ZNF197: variants seen among roughly 807,000 people sequenced by gnomAD.
ZNF197 encodes zinc finger protein 197.
A neutral mutation model predicts 27.4 loss-of-function variants in ZNF197; 14 were observed. The ratio of observed to expected loss-of-function variants is 0.51; its 90% CI spans 0.34 to 0.80. ZNF197 has a LOEUF of 0.80. Ranked by LOEUF, ZNF197 falls within the 30% of genes least tolerant of loss-of-function variation. The probability of loss-of-function intolerance (pLI) is 0.02; values close to 1 mark genes in which losing one functional copy is unlikely to be tolerated. For synonymous variants in ZNF197, 415 were observed against 420.0 expected (o/e 0.99, Z 0.15); for missense variants, 1,090 against 1,222.6 (o/e 0.89, Z 1.62).
In ZNF197 at chr3:44,632,607, T is replaced by C. The variant is rs1174177221; in HGVS notation, c.769+8T>C. On this transcript the variant is annotated splice_region_variant and intron_variant, in intron 5 of 5. Coordinates refer to ENST00000344387, the MANE Select transcript of ZNF197 (RefSeq NM_006991.5). ...GAAATGTGACCTCCCTAGGTAAGGA[T>C]TCTTCTTTCTATGATGCTTACCTTT... is the stretch of plus-strand genomic sequence containing the variant. 3.3e-6 allele frequency: 5 copies of C among 1,527,860 alleles called. No individual in the cohort carries two copies. The highest frequency in any genetic ancestry group is 4.4e-6 in the Non-Finnish European group (5 of 1,136,184). 94.6% of individuals were successfully genotyped at this position (1,527,860 alleles called of 1,614,324 possible).
Position 44,647,200 on chromosome 3 carries a change from T to C in ZNF197, c.*2980T>C. On this transcript the variant is annotated 3_prime_UTR_variant, in exon 6 of 6. Coordinates refer to ENST00000344387, the MANE Select transcript of ZNF197 (RefSeq NM_006991.5). ...ATTTCACTGAAGTATAGATAGCAAA[T>C]AAGCAAATGAAAAGATGTTCAACAT... 1 of 150,758 alleles carries C rather than the reference T, an allele frequency of 6.6e-6. No homozygotes were observed. Among genetic ancestry groups the C allele is most frequent in the South Asian group, 2.1e-4 (1 of 4,782 alleles). The allele number at this position is 150,758 out of a possible 1,614,324, so 9.3% of individuals were successfully genotyped here.
chr3:44,641,861 G>C (rs1217983708), intron 5 of ZNF197, 39 bp from the exon 6 acceptor site: 5 of 1,514,508 alleles, frequency 3.3e-6, no homozygotes, highest in Non-Finnish European at 4.4e-6. Flanking sequence ...CCAAACACAG[G>C]GACGTGGTAA....
At chr3:44,632,842 GCA>G (rs1409079217) in intron 5 of ZNF197, among the ~76,000 whole-genome samples, 2 of 151,996 alleles carry the variant, frequency 1.3e-5, no homozygotes, top group Admixed American at 6.6e-5. Flanking sequence ...GTGTGTCTGT[GCA>G]CAGTTTTATA....
Position 44,644,093 on chromosome 3 carries a change from G to A in ZNF197, c.2963G>A (p.Cys988Tyr), listed in dbSNP as rs185975330. ...CACACAGATGAAAAACCTTGTGAAT[G>A]TGATGTGTCTGAAAAAGAATTCTCT... ...KIHTDEKPCE[C>Y]DVSEKEFSQT... Residue 988 changes from cysteine (C) to tyrosine (Y), a missense_variant, in exon 6 of 6, where the codon TGT becomes TAT. Coordinates refer to ENST00000344387, the MANE Select transcript of ZNF197 (RefSeq NM_006991.5). 1.9e-5 allele frequency: 31 copies of A among 1,614,122 alleles called. No individual in the cohort carries two copies. The highest frequency in any genetic ancestry group is 3.3e-5 in the Admixed American group (2 of 60,012).
rs1406526000 is a variant in ZNF197 at position 44,648,377 on chromosome 3, T to G, written c.*4157T>G. 6.6e-6 allele frequency: 1 copy of G among 152,254 alleles called. No homozygotes were observed. The highest frequency in any genetic ancestry group is 1.5e-5 in the Non-Finnish European group (1 of 68,044). The allele number at this position is 152,254 out of a possible 1,614,324, so 9.4% of individuals were successfully genotyped here. On this transcript the variant is annotated 3_prime_UTR_variant, in exon 6 of 6. Coordinates refer to ENST00000344387, the MANE Select transcript of ZNF197 (RefSeq NM_006991.5). ...GCAAACATAGCAAAATGTTCATTGTTGAGTCCACATGGAAAATACGGGTAT... is the reference window on the plus strand; with the variant it reads ...GCAAACATAGCAAAATGTTCATTGTGGAGTCCACATGGAAAATACGGGTAT...
At position 44,646,534 on chromosome 3, in the gene ZNF197, A is replaced by T; in HGVS notation, c.*2314A>T. ...GGCAGAGGAACAAATAAAAGACACC[A>T]CGAGAAACAGACACATCCAGAACGT... On this transcript the variant is annotated 3_prime_UTR_variant, in exon 6 of 6. Transcript: ENST00000344387. 1 of 1,373,462 alleles carries T rather than the reference A, an allele frequency of 7.3e-7. No homozygotes were observed. The highest frequency in any genetic ancestry group is 1.2e-5 in the South Asian group (1 of 86,194). 85.1% of individuals were successfully genotyped at this position (1,373,462 alleles called of 1,614,324 possible). A position where few individuals can be genotyped will look rare whatever the true frequency, so the allele number is the denominator to read the frequency against.
Position 44,625,063 on chromosome 3 carries a change from G to A in ZNF197, c.-162G>A, listed in dbSNP as rs1207535519. On this transcript the variant is annotated 5_prime_UTR_variant, in exon 1 of 6. Transcript: ENST00000344387. ...TTATTCTGTGCCTCGGCTGCCGGAA[G>A]GGCTCGTTCCTGTGTCATCTCCTAG... 1 of 152,378 alleles carries A rather than the reference G, an allele frequency of 6.6e-6. No individual in the cohort carries two copies. Among genetic ancestry groups the A allele is most frequent in the East Asian group, 1.9e-4 (1 of 5,180 alleles). The allele number at this position is 152,378 out of a possible 1,614,324, so 9.4% of individuals were successfully genotyped here.
In ZNF197 at chr3:44,647,931, A is replaced by G. The variant is rs1703053546; in HGVS notation, c.*3711A>G. On this transcript the variant is annotated 3_prime_UTR_variant, in exon 6 of 6. Transcript: ENST00000344387. ...AAATCTATAGGTGCTATACCTATACACACATACTGTACCAATGTTGATTTC... is the reference window on the plus strand; with the variant it reads ...AAATCTATAGGTGCTATACCTATACGCACATACTGTACCAATGTTGATTTC... The G allele has an allele frequency of 6.6e-6, 1 of 152,202 alleles. No homozygotes were observed. Among genetic ancestry groups the G allele is most frequent in the Non-Finnish European group, 1.5e-5 (1 of 68,042 alleles). 9.4% of individuals were successfully genotyped at this position (152,202 alleles called of 1,614,324 possible).
In ZNF197 at chr3:44,631,138, T is replaced by A; in HGVS notation, c.467T>A (p.Leu156His). 6.2e-7 allele frequency: 1 copy of A among 1,614,120 alleles called. No homozygotes were observed. Among genetic ancestry groups the A allele is most frequent in the Non-Finnish European group, 8.5e-7 (1 of 1,180,026 alleles). ...CCAGGAACAACACTTCCTCCTGTAC[T>A]TCCTGGCAGCCACATAGCAGCTGAA... is the stretch of plus-strand genomic sequence containing the variant. ...SAPGTTLPPV[L>H]PGSHIAAEIC... The change falls in exon 3 of 6, where the codon CTT becomes CAT. Residue 156 changes from leucine (L) to histidine (H), a missense_variant. Transcript: ENST00000344387.
rs758393897 is a variant in ZNF197, at chr3:44,642,220, A to G, written c.1090A>G (p.Thr364Ala). ...AGCTATTTCTGAAAGTTTAATAGGT[A>G]CTGAAGGAAAGAAGTTTTATAAATG... is the stretch of plus-strand genomic sequence containing the variant. The part of the protein sequence containing the change: ...GSAISESLIG[T>A]EGKKFYKCDM... The change falls in exon 6 of 6, where the codon ACT becomes GCT. Residue 364 changes from threonine (T) to alanine (A), a missense_variant. Physicochemically the swap from Thr to Ala is moderately conservative, Grantham distance 58. Coordinates refer to ENST00000344387, the MANE Select transcript of ZNF197 (RefSeq NM_006991.5). 4.3e-6 allele frequency: 7 copies of G among 1,614,054 alleles called. No individual in the cohort carries two copies. Among genetic ancestry groups the G allele is most frequent in the Admixed American group, 1.7e-5 (1 of 60,002 alleles).
rs1217975286 is a variant in ZNF197, at chr3:44,646,810, A to G, written c.*2590A>G. ...AGAAATAGACTCACATAAATGGCCA[A>G]TTGATTTTTGACAGGGGCAAAAGCA... On this transcript the variant is annotated 3_prime_UTR_variant, in exon 6 of 6. Coordinates refer to ENST00000344387, the MANE Select transcript of ZNF197 (RefSeq NM_006991.5). 2.3e-5 allele frequency: 8 copies of G among 346,932 alleles called. No individual in the cohort carries two copies. The highest frequency in any genetic ancestry group is 8.7e-5 in the South Asian group (2 of 23,018). 21.5% of individuals were successfully genotyped at this position (346,932 alleles called of 1,614,324 possible).
At position 44,643,623 on chromosome 3, in the gene ZNF197, A is replaced by G; in HGVS notation, c.2493A>G (p.Ser831=). The G allele has an allele frequency of 1.2e-6, 2 of 1,614,190 alleles. No homozygotes were observed. The highest frequency in any genetic ancestry group is 1.7e-6 in the Non-Finnish European group (2 of 1,180,036). Residue 831 remains serine, a synonymous_variant, in exon 6 of 6, where the codon TCA becomes TCG. Coordinates refer to ENST00000344387, the MANE Select transcript of ZNF197 (RefSeq NM_006991.5). ...NDCGKVFSYR[S]NLIAHQRIHT... is the part of the protein sequence containing the mutation. ...GTGGGAAGGTCTTCAGTTACCGCTC[A>G]AACCTTATAGCCCATCAGAGGATCC...
intron 5 of ZNF197, among the ~76,000 whole-genome samples, chr3:44,637,294 AT>A (rs1227841331): frequency 1.3e-5 from 2 of 151,972 alleles, no homozygotes; most frequent in Non-Finnish European, 2.9e-5. Context: ...AGCCTGGCTA[AT>A]TTTAAAATTT....
rs143149564 is a variant in ZNF197 at position 44,643,730 on chromosome 3, T to C, written c.2600T>C (p.Ile867Thr). 18 of 1,614,022 alleles carry C rather than the reference T, an allele frequency of 1.1e-5. No homozygotes were observed. The highest frequency in any genetic ancestry group is 1.5e-5 in the Non-Finnish European group (18 of 1,179,962). ...AGAAACCTGATTGAACATCAAAGAA[T>C]TCACAGTGGAGAAAAAACCTACGAA... ...YNRNLIEHQR[I>T]HSGEKTYECH... The change falls in exon 6 of 6, where the codon ATT becomes ACT. Residue 867 changes from isoleucine to threonine, a missense_variant. Coordinates refer to ENST00000344387, the MANE Select transcript of ZNF197 (RefSeq NM_006991.5).
chr3:44,632,730 C>T, intron 5 of ZNF197, 131 bp downstream of exon 5: 5 of 1,087,860 alleles, frequency 4.6e-6, no homozygotes, highest in Non-Finnish European at 6.2e-6. Context: ...CCTTCCTTAA[C>T]ATCGCTATTT....
At chr3:44,637,163 C>CT (rs1231150082) in intron 5 of ZNF197, among the ~76,000 whole-genome samples, 2 of 152,052 alleles carry the variant, frequency 1.3e-5, no homozygotes, top group Non-Finnish European at 2.9e-5. Context: ...GGGTCTTGCC[C>CT]TGTTGCCCAG....
At position 44,644,022 on chromosome 3, in the gene ZNF197, T is replaced by A; in HGVS notation, c.2892T>A (p.Ser964Arg). The A allele has an allele frequency of 1.2e-6, 2 of 1,614,036 alleles. No homozygotes were observed. The highest frequency in any genetic ancestry group is 1.1e-5 in the South Asian group (1 of 91,030). The change falls in exon 6 of 6, where the codon AGT becomes AGA. Residue 964 changes from serine to arginine, a missense_variant. By Grantham distance (110) the Ser-to-Arg change is moderately radical (BLOSUM62 -1). Transcript: ENST00000344387. ...GEKPYGCNDC[S>R]KVFRQRKNLT... is the part of the protein sequence containing the mutation. ...AACCCTATGGGTGTAATGATTGTAG[T>A]AAAGTTTTTAGGCAAAGAAAAAACC...
chr3:44,642,404 C>T lies in ZNF197; in HGVS notation c.1274C>T (p.Pro425Leu), dbSNP rs142871732. 1.8e-3 allele frequency: 2,840 copies of T among 1,614,048 alleles called. 62 individuals are homozygous for T. The highest frequency in any genetic ancestry group is 1.6e-4 in the Non-Finnish European group (186 of 1,180,012). The change falls in exon 6 of 6, where the codon CCT becomes CTT. Residue 425 changes from proline (P) to leucine (L), a missense_variant. Coordinates refer to ENST00000344387, the MANE Select transcript of ZNF197 (RefSeq NM_006991.5). Reference sequence around the variant, plus strand: ...TTACGGAACCATTCAGGGGAGAAACCTTATAAATGTAATGAATGTGGGAAA... The same window carrying T: ...TTACGGAACCATTCAGGGGAGAAACTTTATAAATGTAATGAATGTGGGAAA... ...MHLRNHSGEK[P>L]YKCNECGKAF...
Position 44,631,109 on chromosome 3 carries a change from TG to T in ZNF197, c.439del (p.Ala147ProfsTer15). ...DQDTLQKVVS[A>X]PGTTLPPVLP... The stretch of plus-strand genomic sequence containing the variant: ...AGGACACTCTCCAGAAGGTGGTGAG[TG>T]CCCCAGGAACAACACTTCCTCCTGT... On this transcript the variant is annotated frameshift_variant, in exon 3 of 6. Transcript: ENST00000344387. LOFTEE classifies it high-confidence loss of function. The T allele has an allele frequency of 1.9e-6, 3 of 1,614,064 alleles. No individual in the cohort carries two copies. The highest frequency in any genetic ancestry group is 2.5e-6 in the Non-Finnish European group (3 of 1,180,020).
Sources: allele counts gnomAD v4.1 joint callset (sites outside exome capture counted in the v4.1 genomes callset), GRCh38; gene constraint gnomAD v4.1.1; transcripts MANE v1.5; gene names NCBI Gene and HGNC (gene_info 2026-07-23, HGNC 2026-07-21).